The following RNF216 variants were observed in gnomAD, a reference collection of about 807,000 sequenced individuals.
RNF216 encodes ring finger protein 216, also known as E3 ubiquitin-protein ligase RNF216.
RNF216 carries 72 observed loss-of-function variants against 110.8 expected under a neutral mutation model. The ratio of observed to expected loss-of-function variants is 0.65; its 90% CI spans 0.54 to 0.79. RNF216 has a LOEUF of 0.79. Ranked by LOEUF, RNF216 falls within the 30% of genes least tolerant of loss-of-function variation. The pLI is 0.00. For missense variants in RNF216, 1,342 were observed against 1,141.2 expected (o/e 1.18, Z -2.54); for synonymous variants, 495 against 407.5 (o/e 1.21, Z -2.59).
chr7:5,660,590 T>C (rs980001313), intron 13 of RNF216, among the ~76,000 whole-genome samples: 1 of 151,704 alleles, frequency 6.6e-6, no homozygotes, highest in Non-Finnish European at 1.5e-5. Flanking sequence ...GTTTTAATGA[T>C]TGACTGAGAC....
At chr7:5,648,549 C>T (rs1278710402) in intron 14 of RNF216, among the ~76,000 whole-genome samples, 1 of 151,338 alleles carries the variant, frequency 6.6e-6, no homozygotes, top group Non-Finnish European at 1.5e-5. Flanking sequence ...CACGGTGAAA[C>T]CCCGTCTCTA....
At chr7:5,657,656 T>A (rs940688185) in intron 13 of RNF216, among the ~76,000 whole-genome samples, 4 of 152,116 alleles carry the variant, frequency 2.6e-5, no homozygotes, top group African/African-American at 4.8e-5. Flanking sequence ...TATTCGCAAA[T>A]GCTCAGCCAG....
At chr7:5,633,961 G>A (rs1038240904) in intron 15 of RNF216, among the ~76,000 whole-genome samples, 1 of 152,198 alleles carries the variant, frequency 6.6e-6, no homozygotes, top group African/African-American at 2.4e-5. Context: ...ATAGACAGGA[G>A]AAAACGAAGA....
chr7:5,639,993 T>C (rs577432927), intron 15 of RNF216, among the ~76,000 whole-genome samples: 1 of 151,302 alleles, frequency 6.6e-6, no homozygotes, highest in South Asian at 2.1e-4. Context: ...TCTCCTGACC[T>C]TGTGATCCAC....
intron 5 of RNF216, among the ~76,000 whole-genome samples, chr7:5,736,764 A>G (rs879246655): frequency 6.9e-6 from 1 of 144,182 alleles, no homozygotes; most frequent in Admixed American, 6.8e-5. Flanking sequence ...CGCCTCTGCC[A>G]GGCTGCGACC....
intron 12 of RNF216, 78 bp from the exon 13 acceptor site, chr7:5,711,917 TATGAAG>T: frequency 7.8e-7 from 1 of 1,288,736 alleles, no homozygotes; most frequent in Non-Finnish European, 1.1e-6. Flanking sequence ...TGGCTGTTCA[TATGAAG>T]ATGGAGTTTT....
chr7:5,668,171 T>C (rs535389513), intron 13 of RNF216, among the ~76,000 whole-genome samples: 75 of 152,176 alleles, frequency 4.9e-4, no homozygotes, highest in Non-Finnish European at 9.1e-4. Flanking sequence ...CCTGGTAGTT[T>C]TTCACATTCT....
intron 1 of RNF216, among the ~76,000 whole-genome samples, chr7:5,766,712 G>C (rs1796228176): frequency 1.3e-5 from 2 of 152,194 alleles, no homozygotes; most frequent in Admixed American, 1.3e-4. Context: ...CAGTCAGCTT[G>C]AGCTGACTAA....
intron 7 of RNF216, among the ~76,000 whole-genome samples, chr7:5,727,175 C>G (rs1793811509): frequency 6.6e-6 from 1 of 152,220 alleles, no homozygotes. Flanking sequence ...ACTTAATCCC[C>G]AGTGTGGCGG....
At chr7:5,754,219 G>C (rs575445229) in intron 2 of RNF216, among the ~76,000 whole-genome samples, 1 of 151,096 alleles carries the variant, frequency 6.6e-6, no homozygotes, top group African/African-American at 2.4e-5. Flanking sequence ...ACAATGGTGC[G>C]ATCATAGCTC....
At chr7:5,779,173 T>C (rs1385980563) in intron 1 of RNF216, among the ~76,000 whole-genome samples, 1 of 152,226 alleles carries the variant, frequency 6.6e-6, no homozygotes, top group Non-Finnish European at 1.5e-5. Context: ...TAGCTGGTAG[T>C]AGAATCAGCA....
intron 7 of RNF216, among the ~76,000 whole-genome samples, chr7:5,728,054 G>A (rs555622020): frequency 3.9e-5 from 6 of 151,932 alleles, no homozygotes; most frequent in African/African-American, 1.5e-4. Flanking sequence ...CAGCACATTG[G>A]CAACCAACGT....
intron 2 of RNF216, among the ~76,000 whole-genome samples, chr7:5,753,313 T>C (rs2128664554): frequency 1.3e-5 from 2 of 152,358 alleles, no homozygotes; most frequent in South Asian, 2.1e-4. Flanking sequence ...AATCCATCTC[T>C]ATTCCTCCTG....
At chr7:5,716,636 T>C (rs748799448) in intron 10 of RNF216, 80 bp downstream of exon 10, 7 of 1,208,806 alleles carry the variant, frequency 5.8e-6, no homozygotes, top group Middle Eastern at 2.0e-4. Context: ...AAATTTGCCA[T>C]CAAAAATGCT....
intron 1 of RNF216, among the ~76,000 whole-genome samples, chr7:5,770,802 C>A (rs74567147): frequency 6.9e-6 from 1 of 144,918 alleles, no homozygotes; most frequent in Non-Finnish European, 1.5e-5. Flanking sequence ...AGAACAGATT[C>A]TTTTTTTTTT....
In RNF216 at chr7:5,620,667, T is replaced by TG. The variant is rs1786297991; in HGVS notation, c.*2192dup. 6.6e-6 allele frequency: 1 copy of TG among 152,340 alleles called. No homozygotes were observed. Among genetic ancestry groups the TG allele is most frequent in the Admixed American group, 6.5e-5 (1 of 15,286 alleles). 9.4% of individuals were successfully genotyped at this position (152,340 alleles called of 1,614,324 possible). On this transcript the variant is annotated 3_prime_UTR_variant, in exon 17 of 17. Coordinates refer to ENST00000389902, the MANE Select transcript of RNF216 (RefSeq NM_207111.4). ...CAGAACAGCTGGAACTCCTCTCAAA[T>TG]GACCCACCCCTGGGGTTTGGCCTTA... is the stretch of plus-strand genomic sequence containing the variant.
At chr7:5,649,220 C>T (rs1788233361) in intron 14 of RNF216, among the ~76,000 whole-genome samples, 1 of 151,900 alleles carries the variant, frequency 6.6e-6, no homozygotes, top group South Asian at 2.1e-4. Flanking sequence ...AGTAAAACCC[C>T]ATCTCTACTA....
intron 3 of RNF216, among the ~76,000 whole-genome samples, chr7:5,749,539 G>T (rs1049831683): frequency 2.6e-5 from 4 of 152,044 alleles, no homozygotes; most frequent in Non-Finnish European, 5.9e-5. Context: ...CATAATTTTG[G>T]TTCAGAAATA....
intron 3 of RNF216, among the ~76,000 whole-genome samples, chr7:5,747,358 G>C (rs543467619): frequency 6.6e-5 from 10 of 152,240 alleles, no homozygotes; most frequent in South Asian, 6.2e-4. Flanking sequence ...GAAGGAGAGG[G>C]AGTAAAAACG....
Sources: gnomAD v4.1 joint callset for allele counts (sites outside exome capture counted in the v4.1 genomes callset) on GRCh38, gnomAD v4.1.1 for gene constraint, MANE v1.5 for transcripts, NCBI Gene and HGNC (gene_info 2026-07-23, HGNC 2026-07-21) for gene names.